GABRB3: variants seen among roughly 807,000 people sequenced by gnomAD.
The protein encoded by GABRB3 is gamma-aminobutyric acid type A receptor subunit beta3.
GABRB3 carries 14 observed loss-of-function variants against 52.1 expected under a neutral mutation model. The observed-to-expected ratio is 0.27, with a 90% CI of 0.18 to 0.42. The LOEUF (loss-of-function observed/expected upper bound fraction) is 0.42, where lower values mean the gene tolerates loss of function less well. GABRB3 is among the 10% of genes least tolerant of loss of function. The pLI, the probability that GABRB3 is intolerant of heterozygous loss-of-function variation, is 1.00. For missense variants in GABRB3, 307 were observed against 609.1 expected (o/e 0.50, Z 5.22); for synonymous variants, 260 against 232.3 (o/e 1.12, Z -1.08).
At chr15:26,564,080 T>C (rs1466141527) in intron 7 of GABRB3, among the ~76,000 whole-genome samples, 2 of 152,120 alleles carry the variant, frequency 1.3e-5, no homozygotes, top group African/African-American at 4.8e-5. Flanking sequence ...AAATCTGAAA[T>C]GTTCCAAAAT....
chr15:26,646,779 T>A (rs2140581814), intron 3 of GABRB3, among the ~76,000 whole-genome samples: 1 of 152,322 alleles, frequency 6.6e-6, no homozygotes, highest in Non-Finnish European at 1.5e-5. Flanking sequence ...GGTTCTAATT[T>A]GCATTTCCCT....
At position 26,704,442 on chromosome 15, in the gene GABRB3, G is replaced by A. The variant is rs145139001; in HGVS notation, c.240+67960C>T. Reference sequence around the variant, plus strand: ...TATAGCCCCTGGCTTCCTTTTATCCGTACTAATCTCCTTGCCAAACAGTCA... The same window carrying A: ...TATAGCCCCTGGCTTCCTTTTATCCATACTAATCTCCTTGCCAAACAGTCA... On this transcript the variant is annotated intron_variant, in intron 3 of 8. Transcript: ENST00000311550. Among the ~76,000 whole-genome samples the A allele has an allele frequency of 1.9e-3, 292 of 152,210 alleles. 3 individuals carry two copies. Among genetic ancestry groups the A allele is most frequent in the African/African-American group, 6.5e-3 (270 of 41,538 alleles).
At chr15:26,684,150 G>T (rs1053328148) in intron 3 of GABRB3, among the ~76,000 whole-genome samples, 1 of 152,106 alleles carries the variant, frequency 6.6e-6, no homozygotes, top group Non-Finnish European at 1.5e-5. Flanking sequence ...CCTAGGAAGT[G>T]GGGGTGAGGA....
intron 3 of GABRB3, among the ~76,000 whole-genome samples, chr15:26,639,787 T>A (rs759958383): frequency 6.6e-6 from 1 of 152,242 alleles, no homozygotes; most frequent in Non-Finnish European, 1.5e-5. Flanking sequence ...GTAATGATTG[T>A]GTTTGTTTTA....
chr15:26,637,420 T>C (rs368612652), intron 3 of GABRB3, among the ~76,000 whole-genome samples: 8 of 152,224 alleles, frequency 5.3e-5, no homozygotes, highest in Admixed American at 3.9e-4. Context: ...TCTTTCCTTT[T>C]TCCCCCTGCT....
At chr15:26,593,971 C>T (rs907966550) in intron 4 of GABRB3, among the ~76,000 whole-genome samples, 10 of 67,350 alleles carry the variant, frequency 1.5e-4, no homozygotes, top group African/African-American at 2.8e-4. Flanking sequence ...ATTTGTTCTT[C>T]TCATTTTAAA....
intron 4 of GABRB3, among the ~76,000 whole-genome samples, chr15:26,584,050 A>G (rs888888339): frequency 3.3e-5 from 5 of 152,158 alleles, no homozygotes; most frequent in Admixed American, 2.6e-4. Flanking sequence ...TGCTGAGATT[A>G]CAGGCGTGAG....
At chr15:26,576,521 G>A (rs1237615401) in intron 6 of GABRB3, among the ~76,000 whole-genome samples, 1 of 152,106 alleles carries the variant, frequency 6.6e-6, no homozygotes, top group Non-Finnish European at 1.5e-5. Context: ...AGAATCTACT[G>A]AAACCGACTG....
At chr15:26,639,638 C>T (rs140483072) in intron 3 of GABRB3, among the ~76,000 whole-genome samples, 3 of 152,280 alleles carry the variant, frequency 2.0e-5, no homozygotes, top group Non-Finnish European at 4.4e-5. Flanking sequence ...TACGTGTTAA[C>T]TTTGCTTGCT....
At chr15:26,647,714 T>TTC (rs57822712) in intron 3 of GABRB3, among the ~76,000 whole-genome samples, 37,656 of 151,956 alleles carry the variant, frequency 0.25, 5,928 homozygotes, top group East Asian at 0.83. Context: ...GTGGCAGATG[T>TTC]TCTCAAGAGA....
chr15:26,660,595 C>T (rs1226269699), intron 3 of GABRB3, among the ~76,000 whole-genome samples: 1 of 152,188 alleles, frequency 6.6e-6, no homozygotes, highest in Non-Finnish European at 1.5e-5. Context: ...GAGAGAACCA[C>T]CACCACACAG....
Position 26,772,893 on chromosome 15 carries a change from A to G in GABRB3, c.70T>C (p.Cys24Arg). ...SAPVLVAVVC[C>R]AQSVNDPGNM... ...CACCCGCGACCCTACCTCTGGGCGC[A>G]GCACACCACAGCCACCAGCACCGGG... Residue 24 changes from cysteine (C) to arginine (R), a missense_variant, in exon 1 of 9, where the codon TGC (cysteine) becomes CGC (arginine). Transcript: ENST00000311550. The G allele has an allele frequency of 6.7e-7, 1 of 1,493,022 alleles. No individual in the cohort carries two copies. The highest frequency in any genetic ancestry group is 8.9e-7 in the Non-Finnish European group (1 of 1,120,502). 92.5% of individuals were successfully genotyped at this position (1,493,022 alleles called of 1,614,324 possible).
Position 26,616,060 on chromosome 15 carries a change from C to T in GABRB3, c.461+5254G>A, listed in dbSNP as rs1446598420. The T allele has an allele frequency of 3.1e-6, 4 of 1,289,146 alleles. No individual in the cohort carries two copies. The Admixed American group carries it at 6.9e-5, about 22-fold the overall frequency. 79.9% of individuals were successfully genotyped at this position (1,289,146 alleles called of 1,614,324 possible). On this transcript the variant is annotated intron_variant, in intron 4 of 8. Coordinates refer to ENST00000311550, the MANE Select transcript of GABRB3 (RefSeq NM_000814.6). ...CCTCCTCCAGGCCAGGGCCATAGTA[C>T]CTATTTACCAAAAAGATGCAATGCA...
chr15:26,612,758 T>C (rs904794357), intron 4 of GABRB3: 1 of 152,194 alleles, frequency 6.6e-6, no homozygotes, highest in African/African-American at 2.4e-5. Flanking sequence ...AAATAAATGA[T>C]TCTAAAGTTA....
intron 4 of GABRB3, among the ~76,000 whole-genome samples, chr15:26,610,980 A>C (rs1341505292): frequency 6.6e-6 from 1 of 152,220 alleles, no homozygotes; most frequent in Non-Finnish European, 1.5e-5. Context: ...ATTGTTTGAG[A>C]AATGACTAAT....
At chr15:26,586,999 AG>A (rs1307639466) in intron 4 of GABRB3, among the ~76,000 whole-genome samples, 2 of 152,208 alleles carry the variant, frequency 1.3e-5, no homozygotes, top group East Asian at 3.9e-4. Context: ...TATAGTTAGC[AG>A]TAGAGTATTG....
chr15:26,729,350 C>G (rs553718194), intron 3 of GABRB3, among the ~76,000 whole-genome samples: 2 of 152,216 alleles, frequency 1.3e-5, no homozygotes, highest in African/African-American at 4.8e-5. Flanking sequence ...AAGCTGTCCC[C>G]TCCACCTTCC....
chr15:26,608,273 T>C (rs748079629), intron 4 of GABRB3, among the ~76,000 whole-genome samples: 26 of 152,068 alleles, frequency 1.7e-4, no homozygotes, highest in Non-Finnish European at 3.4e-4. Flanking sequence ...AAGAATGAAA[T>C]TGGACCCTTA....
chr15:26,633,843 A>G (rs775896389), intron 3 of GABRB3, among the ~76,000 whole-genome samples: 14 of 152,214 alleles, frequency 9.2e-5, no homozygotes, highest in Non-Finnish European at 1.5e-4. Flanking sequence ...TTTCTAAACC[A>G]AAGTATAAAA....
Sources: gnomAD v4.1 joint callset for allele counts (sites outside exome capture counted in the v4.1 genomes callset) on GRCh38, gnomAD v4.1.1 for gene constraint, MANE v1.5 for transcripts, NCBI Gene and HGNC (gene_info 2026-07-23, HGNC 2026-07-21) for gene names.